PLCB1: variants seen among roughly 807,000 people sequenced by gnomAD.
PLCB1 encodes the protein phospholipase C beta 1, also known as 1-phosphatidylinositol 4,5-bisphosphate phosphodiesterase beta-1.
Under a neutral mutation model 161.8 loss-of-function variants are expected in PLCB1, and 46 were observed. The ratio of observed to expected loss-of-function variants is 0.28; its 90% CI spans 0.22 to 0.36. The LOEUF (loss-of-function observed/expected upper bound fraction) is 0.36. Ranked by LOEUF, PLCB1 falls within the 10% of genes least tolerant of loss-of-function variation. The probability of loss-of-function intolerance (pLI) is 1.00; values close to 1 mark genes in which losing one functional copy is unlikely to be tolerated. For missense variants in PLCB1, 1,016 were observed against 1,472.5 expected (o/e 0.69, Z 5.07); for synonymous variants, 517 against 503.7 (o/e 1.03, Z -0.35).
chr20:8,396,419 C>T (rs1987769670), intron 3 of PLCB1, among the ~76,000 whole-genome samples: 1 of 152,030 alleles, frequency 6.6e-6, no homozygotes, highest in Non-Finnish European at 1.5e-5. Context: ...TTAATCCTAG[C>T]ACTACACTGC....
intron 27 of PLCB1, among the ~76,000 whole-genome samples, chr20:8,776,854 A>T (rs1269061745): frequency 2.0e-5 from 3 of 152,206 alleles, no homozygotes; most frequent in Non-Finnish European, 4.4e-5. Context: ...AGGGCTTAGG[A>T]GAAAAACAAT....
In PLCB1 at chr20:8,211,618, G is replaced by T. The variant is rs2123144893; in HGVS notation, c.177+61247G>T. ...AGAAAGGAGAGGATGCAGAATGATGGATATTGATGATGAAGTAAGATAGGA... is the reference window on the plus strand; with the variant it reads ...AGAAAGGAGAGGATGCAGAATGATGTATATTGATGATGAAGTAAGATAGGA... On this transcript the variant is annotated intron_variant, in intron 2 of 31. Transcript: ENST00000338037. 1.3e-5 allele frequency among the ~76,000 whole-genome samples: 2 copies of T among 152,216 alleles called. 1 individual carries two copies.
intron 3 of PLCB1, among the ~76,000 whole-genome samples, chr20:8,525,621 C>G (rs951748755): frequency 3.9e-5 from 6 of 152,114 alleles, no homozygotes; most frequent in Non-Finnish European, 8.8e-5. Flanking sequence ...ACTGGAAAAA[C>G]TGACTTAATT....
intron 2 of PLCB1, among the ~76,000 whole-genome samples, chr20:8,293,538 G>T (rs1983481358): frequency 6.6e-6 from 1 of 152,016 alleles, no homozygotes; most frequent in South Asian, 2.1e-4. Context: ...TGAGTGTGTA[G>T]AATGAATAAT....
At chr20:8,651,278 A>G (rs1989314117) in intron 7 of PLCB1, 1 of 590,942 alleles carries the variant, frequency 1.7e-6, no homozygotes, top group South Asian at 2.2e-5. Flanking sequence ...TTATAAAAGT[A>G]TTGAGTGCTA....
intron 12 of PLCB1, among the ~76,000 whole-genome samples, chr20:8,710,502 C>CTTTTTT (rs1177302486): frequency 1.4e-5 from 1 of 71,468 alleles, no homozygotes; most frequent in Non-Finnish European, 2.7e-5. Context: ...CTTGAGGATG[C>CTTTTTT]TTTTTTTTTT....
At position 8,644,918 on chromosome 20, in the gene PLCB1, A is replaced by G. The variant is rs376555303; in HGVS notation, c.385-1184A>G. On this transcript the variant is annotated intron_variant, in intron 4 of 31. Coordinates refer to ENST00000338037, the MANE Select transcript of PLCB1 (RefSeq NM_015192.4). ...AAGGTGGGGAAAAGATTGAGAAATC[A>G]GATGGTTGCCCTGTCTGTGTAGAAA... 4.5e-4 allele frequency among the ~76,000 whole-genome samples: 68 copies of G among 152,322 alleles called. No homozygotes were observed. The East Asian group carries it at 5.8e-3, about 13-fold the overall frequency.
chr20:8,651,382 G>A (rs937216574), intron 7 of PLCB1: 1 of 705,898 alleles, frequency 1.4e-6, no homozygotes, highest in African/African-American at 1.8e-5. Flanking sequence ...AGAAATAAGA[G>A]CACCTCTTCA....
At chr20:8,303,325 C>T (rs577402887) in intron 2 of PLCB1, among the ~76,000 whole-genome samples, 1 of 152,268 alleles carries the variant, frequency 6.6e-6, no homozygotes, top group East Asian at 1.9e-4. Context: ...AGTGTTGTTG[C>T]TAGTTCTTAA....
intron 3 of PLCB1, among the ~76,000 whole-genome samples, chr20:8,499,053 A>G (rs1306194839): frequency 7.9e-5 from 12 of 152,226 alleles, no homozygotes. Context: ...CCAAGAAAAA[A>G]TAAGATTCTT....
At position 8,877,339 on chromosome 20, in the gene PLCB1, C is replaced by G. The variant is rs1035718527; in HGVS notation, c.3424-4283C>G. On this transcript the variant is annotated intron_variant, in intron 31 of 31. Coordinates refer to ENST00000338037, the MANE Select transcript of PLCB1 (RefSeq NM_015192.4). ...CCCCTGGTTAAAGCCAGATTTAAATCTGTTAGGGGAAAGGTTATAAATTCT... is the reference window on the plus strand; with the variant it reads ...CCCCTGGTTAAAGCCAGATTTAAATGTGTTAGGGGAAAGGTTATAAATTCT... Among the ~76,000 whole-genome samples the G allele has an allele frequency of 1.6e-4, 24 of 152,288 alleles. 1 individual carries two copies. The highest frequency in any genetic ancestry group is 5.5e-4 in the African/African-American group (23 of 41,558).
intron 31 of PLCB1, among the ~76,000 whole-genome samples, chr20:8,799,937 C>T (rs1443217863): frequency 6.6e-6 from 1 of 152,154 alleles, no homozygotes; most frequent in African/African-American, 2.4e-5. Flanking sequence ...AATGTCTATA[C>T]ATGTTCAGTA....
intron 31 of PLCB1, among the ~76,000 whole-genome samples, chr20:8,857,917 A>C (rs182656131): frequency 6.6e-6 from 1 of 152,056 alleles, no homozygotes; most frequent in African/African-American, 2.4e-5. Flanking sequence ...AATTTTTTTC[A>C]ATTGAGTGAT....
chr20:8,132,667 C>G lies in PLCB1; in HGVS notation c.16C>G (p.Pro6Ala). ...ATGAGCCCAGATGGCCGGGGCTCAA[C>G]CCGGAGTGCACGCCTTGCAACTCAA... MAGAQ[P>A]GVHALQLKPV... The change falls in exon 1 of 32, where the codon CCC becomes GCC. Residue 6 changes from proline to alanine, a missense_variant. Physicochemically the swap from Pro to Ala is conservative, Grantham distance 27. This residue lies in a region of PLCB1 where 181 missense variants were observed against 236.7 expected (regional missense o/e 0.76). Transcript: ENST00000338037. This position sits in a 1 kb window ranked among gnomAD's most constrained non-coding sequence, Gnocchi z 5.2. 6.2e-7 allele frequency: 1 copy of G among 1,611,966 alleles called. No homozygotes were observed. Among genetic ancestry groups the G allele is most frequent in the Non-Finnish European group, 8.5e-7 (1 of 1,178,936 alleles).
chr20:8,446,888 A>G (rs904656155), intron 3 of PLCB1, among the ~76,000 whole-genome samples: 1 of 152,078 alleles, frequency 6.6e-6, no homozygotes, highest in Admixed American at 6.5e-5. Flanking sequence ...ATCATGGAAG[A>G]TGTTATCTTC....
chr20:8,201,216 A>T (rs1044923795), intron 2 of PLCB1, among the ~76,000 whole-genome samples: 1 of 152,016 alleles, frequency 6.6e-6, no homozygotes, highest in African/African-American at 2.4e-5. Flanking sequence ...GCCATTTACT[A>T]CTAGTTTCTG....
intron 3 of PLCB1, among the ~76,000 whole-genome samples, chr20:8,609,499 A>T (rs888526513): frequency 1.3e-5 from 2 of 152,188 alleles, no homozygotes; most frequent in African/African-American, 4.8e-5. Flanking sequence ...GCTCCAACGC[A>T]TCTATCTAGT....
At chr20:8,315,892 A>C (rs904638652) in intron 2 of PLCB1, among the ~76,000 whole-genome samples, 2 of 152,248 alleles carry the variant, frequency 1.3e-5, no homozygotes, top group Non-Finnish European at 2.9e-5. Context: ...TTGACCACTC[A>C]TGGATTTCAG....
chr20:8,405,083 T>C (rs1333229851), intron 3 of PLCB1, among the ~76,000 whole-genome samples: 1 of 152,184 alleles, frequency 6.6e-6, no homozygotes, highest in African/African-American at 2.4e-5. Context: ...CTAACAAACC[T>C]TCCCAAAACC....
Sources: allele counts gnomAD v4.1 joint callset (sites outside exome capture counted in the v4.1 genomes callset), GRCh38; gene constraint gnomAD v4.1.1; regional missense constraint gnomAD v4.1.1; non-coding constraint Gnocchi (gnomAD v3.1); transcripts MANE v1.5; gene names NCBI Gene and HGNC (gene_info 2026-07-23, HGNC 2026-07-21).